Variants in MAN1A1 observed in about 807,000 individuals in gnomAD.
MAN1A1 encodes the protein mannosidase alpha class 1A member 1, also known as mannosyl-oligosaccharide 1,2-alpha-mannosidase IA.
In MAN1A1, 29 loss-of-function variants were observed where a neutral mutation model predicts 70.8. The observed-to-expected ratio is 0.41, with a 90% CI of 0.31 to 0.56. The LOEUF (loss-of-function observed/expected upper bound fraction) is 0.56, where lower values mean the gene tolerates loss of function less well. Among genes scored for constraint, MAN1A1 ranks in the 20% least tolerant of loss-of-function variants. The probability of loss-of-function intolerance (pLI) is 0.29; values close to 1 mark genes in which losing one functional copy is unlikely to be tolerated. For synonymous variants in MAN1A1, 349 were observed against 330.1 expected (o/e 1.06, Z -0.62); for missense variants, 747 against 841.3 (o/e 0.89, Z 1.39).
At chr6:119,196,085 A>AT (rs1380357500) in intron 8 of MAN1A1, among the ~76,000 whole-genome samples, 1 of 152,190 alleles carries the variant, frequency 6.6e-6, no homozygotes, top group Non-Finnish European at 1.5e-5. Context: ...GATGGCCAGG[A>AT]TCCAGACGTG....
At chr6:119,305,996 T>C (rs1161300186) in intron 3 of MAN1A1, among the ~76,000 whole-genome samples, 4 of 152,178 alleles carry the variant, frequency 2.6e-5, no homozygotes, top group Non-Finnish European at 4.4e-5. Flanking sequence ...TTCTCACCTA[T>C]AAAATGTATA....
chr6:119,304,468 C>A (rs968614043), intron 3 of MAN1A1, among the ~76,000 whole-genome samples: 1 of 152,162 alleles, frequency 6.6e-6, no homozygotes, highest in African/African-American at 2.4e-5. Flanking sequence ...ATTGGTCAAG[C>A]ACAAAATACC....
At chr6:119,335,448 A>G (rs1207837350) in intron 2 of MAN1A1, among the ~76,000 whole-genome samples, 1 of 152,242 alleles carries the variant, frequency 6.6e-6, no homozygotes, top group Middle Eastern at 3.2e-3. Flanking sequence ...ACTGCCTCAC[A>G]TTTATAAAAC....
intron 2 of MAN1A1, among the ~76,000 whole-genome samples, chr6:119,324,784 C>T (rs1773103929): frequency 6.6e-6 from 1 of 152,028 alleles, no homozygotes; most frequent in Non-Finnish European, 1.5e-5. Flanking sequence ...GAAGTTGTTA[C>T]TAAAAAAATA....
intron 5 of MAN1A1, among the ~76,000 whole-genome samples, chr6:119,260,864 T>C (rs1582744503): frequency 6.6e-6 from 1 of 152,254 alleles, no homozygotes; most frequent in East Asian, 1.9e-4. Context: ...ACTGAAATAG[T>C]TTGGCAGGCA....
chr6:119,298,436 T>C (rs1439423096), intron 4 of MAN1A1, among the ~76,000 whole-genome samples: 1 of 152,240 alleles, frequency 6.6e-6, no homozygotes, highest in Non-Finnish European at 1.5e-5. Flanking sequence ...ATTTATTTTA[T>C]ACTTTTCAGT....
At chr6:119,229,613 T>G (rs1420422391) in intron 6 of MAN1A1, among the ~76,000 whole-genome samples, 2 of 152,238 alleles carry the variant, frequency 1.3e-5, no homozygotes, top group African/African-American at 2.4e-5. Flanking sequence ...CATCCACTTA[T>G]GTCCTCTGAG....
chr6:119,336,670 T>C (rs1480419061), intron 2 of MAN1A1, among the ~76,000 whole-genome samples: 1 of 152,224 alleles, frequency 6.6e-6, no homozygotes. Flanking sequence ...ATATCACACC[T>C]TCTTAGGGAG....
chr6:119,188,499 T>C lies in MAN1A1; in HGVS notation c.1625A>G (p.Tyr542Cys). 1 of 1,614,026 alleles carries C rather than the reference T, an allele frequency of 6.2e-7. No individual in the cohort carries two copies. Residue 542 changes from tyrosine (Y) to cysteine (C), a missense_variant, in exon 11 of 13, where the codon TAC becomes TGC. This residue lies in a region of MAN1A1 where 419 missense variants were observed against 548.2 expected (regional missense o/e 0.76). Coordinates refer to ENST00000368468, the MANE Select transcript of MAN1A1 (RefSeq NM_005907.4). ...CTCCATAACTTCTGGCCGTAAGATGTAGTATTTTTCATTTTGTCTTGTAGC... is the reference window on the plus strand; with the variant it reads ...CTCCATAACTTCTGGCCGTAAGATGCAGTATTTTTCATTTTGTCTTGTAGC... ...AIATRQNEKY[Y>C]ILRPEVMETY...
intron 5 of MAN1A1, among the ~76,000 whole-genome samples, chr6:119,258,642 A>G (rs1775524123): frequency 6.6e-6 from 1 of 152,202 alleles, no homozygotes; most frequent in Non-Finnish European, 1.5e-5. Context: ...TAATTCCCTG[A>G]CATATTTTAG....
At chr6:119,324,959 ATG>A (rs1773107715) in intron 2 of MAN1A1, among the ~76,000 whole-genome samples, 2 of 152,118 alleles carry the variant, frequency 1.3e-5, no homozygotes, top group African/African-American at 2.4e-5. Context: ...ACCCCAACAG[ATG>A]TGACAACCCT....
intron 2 of MAN1A1, among the ~76,000 whole-genome samples, chr6:119,319,077 T>C (rs957269068): frequency 2.0e-5 from 3 of 152,198 alleles, no homozygotes; most frequent in East Asian, 1.9e-4. Context: ...CTCTCTTCTA[T>C]GGTTTCATCT....
At chr6:119,319,691 C>T (rs1346999421) in intron 2 of MAN1A1, among the ~76,000 whole-genome samples, 1 of 152,170 alleles carries the variant, frequency 6.6e-6, no homozygotes, top group Non-Finnish European at 1.5e-5. Context: ...AGACCTACTG[C>T]AGATAATATA....
chr6:119,184,178 T>C (rs578213088), intron 11 of MAN1A1, among the ~76,000 whole-genome samples: 1 of 152,240 alleles, frequency 6.6e-6, no homozygotes, highest in African/African-American at 2.4e-5. Context: ...CATGTGTTTG[T>C]ATGACTAAGT....
intron 4 of MAN1A1, among the ~76,000 whole-genome samples, chr6:119,297,717 A>G (rs898285032): frequency 6.7e-6 from 1 of 148,770 alleles, no homozygotes; most frequent in African/African-American, 2.5e-5. Flanking sequence ...TATGTATCAC[A>G]TATTACTAAA....
intron 10 of MAN1A1, among the ~76,000 whole-genome samples, chr6:119,189,160 C>T (rs1267769337): frequency 1.3e-5 from 2 of 152,012 alleles, no homozygotes; most frequent in Non-Finnish European, 2.9e-5. Context: ...GAGCACCCAC[C>T]AGGCAGATAC....
intron 9 of MAN1A1, among the ~76,000 whole-genome samples, chr6:119,191,481 A>T (rs1773440940): frequency 6.6e-6 from 1 of 152,232 alleles, no homozygotes; most frequent in Non-Finnish European, 1.5e-5. Flanking sequence ...ATAAATAAAT[A>T]CAAAGAAGGA....
At position 119,348,721 on chromosome 6, in the gene MAN1A1, G is replaced by A. The variant is rs1013471722; in HGVS notation, c.345C>T (p.Ala115=). ...TCCTGGCCAAGTTGTCCTCCAGGGC[G>A]GCCTCCGGGTCCCCGGGTGCCCCCT... ...REEGAPGDPE[A]ALEDNLARIR... The change falls in exon 2 of 13, where the codon GCC becomes GCT. Residue 115 remains alanine (A), a synonymous_variant. Transcript: ENST00000368468. 3.8e-6 allele frequency: 6 copies of A among 1,586,850 alleles called. No individual in the cohort carries two copies. Among genetic ancestry groups the A allele is most frequent in the Non-Finnish European group, 4.3e-6 (5 of 1,168,526 alleles).
chr6:119,292,012 T>C (rs1772045147), intron 4 of MAN1A1, among the ~76,000 whole-genome samples: 1 of 152,020 alleles, frequency 6.6e-6, no homozygotes, highest in Non-Finnish European at 1.5e-5. Flanking sequence ...TTCAGACAAC[T>C]AATAATTGGT....
Sources: gnomAD v4.1 joint callset for allele counts (sites outside exome capture counted in the v4.1 genomes callset) on GRCh38, gnomAD v4.1.1 for gene constraint, gnomAD v4.1.1 regional missense constraint, MANE v1.5 for transcripts, NCBI Gene and HGNC (gene_info 2026-07-23, HGNC 2026-07-21) for gene names.